The following SLC9A9 variants were observed in gnomAD, a reference collection of about 807,000 sequenced individuals.
SLC9A9 encodes the protein solute carrier family 9 member A9.
A neutral mutation model predicts 77.8 loss-of-function variants in SLC9A9; 62 were observed. The ratio of observed to expected loss-of-function variants is 0.80; its 90% CI spans 0.65 to 0.98. The LOEUF (loss-of-function observed/expected upper bound fraction) is 0.98, where lower values mean the gene tolerates loss of function less well. Ranked by LOEUF, SLC9A9 falls within the 50% of genes least tolerant of loss-of-function variation. The pLI, the probability that SLC9A9 is intolerant of heterozygous loss-of-function variation, is 0.00. For missense variants in SLC9A9, 775 were observed against 774.9 expected (o/e 1.00, Z 0.00); for synonymous variants, 320 against 283.5 (o/e 1.13, Z -1.29).
intron 12 of SLC9A9, among the ~76,000 whole-genome samples, chr3:143,456,447 T>C (rs2035093490): frequency 6.6e-6 from 1 of 152,222 alleles, no homozygotes; most frequent in South Asian, 2.1e-4. Flanking sequence ...TTCTGTTTCT[T>C]GGAAAAGATT....
intron 9 of SLC9A9, among the ~76,000 whole-genome samples, chr3:143,515,580 T>C (rs752032325): frequency 6.6e-6 from 1 of 152,236 alleles, no homozygotes; most frequent in Non-Finnish European, 1.5e-5. Flanking sequence ...GTTCTTCCCT[T>C]TTATACCTTG....
At chr3:143,378,516 A>C (rs2033232614) in intron 13 of SLC9A9, among the ~76,000 whole-genome samples, 1 of 152,248 alleles carries the variant, frequency 6.6e-6, no homozygotes, top group Admixed American at 6.5e-5. Flanking sequence ...GTGCCCAACG[A>C]ATATGGGAGT....
At chr3:143,618,251 TGATTG>T (rs1218902968) in intron 6 of SLC9A9, among the ~76,000 whole-genome samples, 2 of 152,192 alleles carry the variant, frequency 1.3e-5, no homozygotes, top group Non-Finnish European at 2.9e-5. Context: ...TGTGGCCAAC[TGATTG>T]AACTTGTGTC....
intron 9 of SLC9A9, among the ~76,000 whole-genome samples, chr3:143,505,040 G>C (rs1177388096): frequency 2.6e-5 from 4 of 152,096 alleles, no homozygotes; most frequent in African/African-American, 9.7e-5. Context: ...GGGTTGGCAG[G>C]GAAGATATCA....
At chr3:143,556,446 G>A (rs773299885) in intron 8 of SLC9A9, among the ~76,000 whole-genome samples, 29 of 152,204 alleles carry the variant, frequency 1.9e-4, no homozygotes, top group Non-Finnish European at 3.8e-4. Flanking sequence ...GAACCCAGTG[G>A]AGGAGAGAAG....
At chr3:143,615,982 G>A (rs1486091110) in intron 6 of SLC9A9, among the ~76,000 whole-genome samples, 1 of 151,248 alleles carries the variant, frequency 6.6e-6, no homozygotes, top group Non-Finnish European at 1.5e-5. Context: ...CTGGGTTCAT[G>A]CCATTCTCCT....
intron 4 of SLC9A9, among the ~76,000 whole-genome samples, chr3:143,741,056 GTA>G (rs948993205): frequency 1.3e-5 from 2 of 152,084 alleles, no homozygotes; most frequent in Non-Finnish European, 2.9e-5. Flanking sequence ...TTATAGATAT[GTA>G]TATATATGCA....
chr3:143,288,817 T>C (rs1402200322), intron 14 of SLC9A9, among the ~76,000 whole-genome samples: 1 of 152,162 alleles, frequency 6.6e-6, no homozygotes, highest in Non-Finnish European at 1.5e-5. Flanking sequence ...CAGCTAAAAA[T>C]GGTCAGATAG....
chr3:143,574,854 T>C (rs2037328948), intron 7 of SLC9A9, among the ~76,000 whole-genome samples: 1 of 152,118 alleles, frequency 6.6e-6, no homozygotes, highest in Non-Finnish European at 1.5e-5. Context: ...GTGATTCAAG[T>C]TGGGCAGAGA....
chr3:143,403,430 G>T (rs1451383777), intron 12 of SLC9A9, among the ~76,000 whole-genome samples: 2 of 150,912 alleles, frequency 1.3e-5, no homozygotes, highest in Non-Finnish European at 2.9e-5. Flanking sequence ...TAGTTAATAC[G>T]TAGTTACCTT....
In SLC9A9 at chr3:143,509,167, G is replaced by A. The variant is rs11921256; in HGVS notation, c.1090-13719C>T. Reference sequence around the variant, plus strand: ...GGGACATGATAAGAAATTGGAGAGTGTAAAAGAGGCTTTATAAATCAGAGA... The same window carrying A: ...GGGACATGATAAGAAATTGGAGAGTATAAAAGAGGCTTTATAAATCAGAGA... On this transcript the variant is annotated intron_variant, in intron 9 of 15. Transcript: ENST00000316549. 6.8e-3 allele frequency among the ~76,000 whole-genome samples: 1,034 copies of A among 152,224 alleles called. 15 individuals carry two copies. Among genetic ancestry groups the A allele is most frequent in the African/African-American group, 0.024 (989 of 41,554 alleles).
intron 6 of SLC9A9, among the ~76,000 whole-genome samples, chr3:143,628,416 G>A (rs2038366490): frequency 1.3e-5 from 2 of 152,166 alleles, no homozygotes; most frequent in Admixed American, 6.5e-5. Flanking sequence ...ATAATATAAT[G>A]TTGAGTACCT....
chr3:143,287,281 G>T (rs550340410), intron 14 of SLC9A9, among the ~76,000 whole-genome samples: 1 of 152,198 alleles, frequency 6.6e-6, no homozygotes, highest in Non-Finnish European at 1.5e-5. Flanking sequence ...CACATCCTGG[G>T]TAAAGGTTTT....
intron 14 of SLC9A9, among the ~76,000 whole-genome samples, chr3:143,280,768 G>T (rs1057188075): frequency 1.3e-5 from 2 of 152,020 alleles, no homozygotes; most frequent in Admixed American, 1.3e-4. Flanking sequence ...GGACAGGCTG[G>T]TCTCGAACTC....
At chr3:143,782,993 CTCT>C (rs2007930875) in intron 4 of SLC9A9, among the ~76,000 whole-genome samples, 1 of 152,124 alleles carries the variant, frequency 6.6e-6, no homozygotes, top group Non-Finnish European at 1.5e-5. Context: ...ATTCAAACCG[CTCT>C]CAGATCCAAC....
chr3:143,575,276 T>G (rs370503458), intron 7 of SLC9A9, among the ~76,000 whole-genome samples: 25 of 152,314 alleles, frequency 1.6e-4, no homozygotes, highest in Middle Eastern at 6.8e-3. Flanking sequence ...AATAATATCA[T>G]GGTGGGGAGT....
At chr3:143,569,715 G>A (rs1186525095) in intron 8 of SLC9A9, among the ~76,000 whole-genome samples, 4 of 151,198 alleles carry the variant, frequency 2.6e-5, no homozygotes, top group East Asian at 3.9e-4. Context: ...TTACCCAAAC[G>A]AACAAAACAG....
At chr3:143,587,980 A>T (rs2108675378) in intron 6 of SLC9A9, among the ~76,000 whole-genome samples, 1 of 152,344 alleles carries the variant, frequency 6.6e-6, no homozygotes, top group Middle Eastern at 3.4e-3. Flanking sequence ...GACTGGACTC[A>T]TTCTTTGTAT....
chr3:143,783,137 C>T (rs2007936612), intron 4 of SLC9A9, among the ~76,000 whole-genome samples: 1 of 152,108 alleles, frequency 6.6e-6, no homozygotes, highest in South Asian at 2.1e-4. Flanking sequence ...TGTTTAGCAT[C>T]CTACAACCTA....
Sources: gnomAD v4.1 joint callset for allele counts (sites outside exome capture counted in the v4.1 genomes callset) on GRCh38, gnomAD v4.1.1 for gene constraint, MANE v1.5 for transcripts, NCBI Gene and HGNC (gene_info 2026-07-23, HGNC 2026-07-21) for gene names.